Variants in SLC44A1 observed in about 807,000 individuals in gnomAD.
SLC44A1 encodes the protein solute carrier family 44 member 1.
SLC44A1 carries 26 observed loss-of-function variants against 79.3 expected under a neutral mutation model. The ratio of observed to expected loss-of-function variants is 0.33; its 90% confidence interval spans 0.24 to 0.46. The LOEUF (loss-of-function observed/expected upper bound fraction) is 0.46. Among genes scored for constraint, SLC44A1 ranks in the 20% least tolerant of loss-of-function variants. SLC44A1 has a pLI of 1.00. For missense variants in SLC44A1, 688 were observed against 798.1 expected, an observed-to-expected ratio of 0.86 and a Z score of 1.66; for synonymous variants, 263 against 286.2, an observed-to-expected ratio of 0.92 and a Z score of 0.82.
chr9:105,419,914 CAA>C (rs59244219), intron 15 of SLC44A1, among the ~76,000 whole-genome samples: 28 of 53,438 alleles, frequency 5.2e-4, no homozygotes, highest in South Asian at 1.4e-3. Flanking sequence ...AACTCTGTCT[CAA>C]AAAAAAAAAA....
chr9:105,397,421 G>A (rs945260815), downstream of SLC44A1: 12 of 933,966 alleles, frequency 1.3e-5, no homozygotes, highest in Middle Eastern at 5.6e-4. Flanking sequence ...CAACATCTTC[G>A]TTTCAAATTA....
chr9:105,366,551 T>A, intron 12 of SLC44A1, 122 bp downstream of exon 12: 1 of 439,320 alleles, frequency 2.3e-6, no homozygotes, highest in Non-Finnish European at 4.0e-6. Context: ...CATTGTGCCT[T>A]GATAAAGTAT....
chr9:105,433,034 C>T (rs35280067), intron 15 of SLC44A1, among the ~76,000 whole-genome samples: 596 of 152,266 alleles, frequency 3.9e-3, no homozygotes, highest in Admixed American at 6.8e-3. Flanking sequence ...GTGGCTTACT[C>T]CTGTAATCCT....
At position 105,390,370 on chromosome 9, in the gene SLC44A1, G is replaced by A; in HGVS notation, c.*1314G>A. ...TTTAAAAAAAGCTATTTTTGTTAAT[G>A]TAAAGTAAATATTTCAGAGCAAATT... On this transcript the variant is annotated 3_prime_UTR_variant, in exon 16 of 16. Coordinates refer to ENST00000374720, the MANE Select transcript of SLC44A1 (RefSeq NM_080546.5). The A allele has an allele frequency of 1.1e-6, 1 of 949,514 alleles. No individual in the cohort carries two copies. Among genetic ancestry groups the A allele is most frequent in the Non-Finnish European group, 1.2e-6 (1 of 816,680 alleles). 58.8% of individuals were successfully genotyped at this position (949,514 alleles called of 1,614,324 possible).
intron 3 of SLC44A1, among the ~76,000 whole-genome samples, chr9:105,318,748 G>A (rs918675366): frequency 3.5e-5 from 5 of 142,330 alleles, no homozygotes; most frequent in African/African-American, 9.3e-5. Context: ...TAGAAAATGC[G>A]GGAGTTCAAA....
chr9:105,411,478 G>T (rs1335052551), intron 15 of SLC44A1, among the ~76,000 whole-genome samples: 13 of 147,018 alleles, frequency 8.8e-5, no homozygotes, highest in African/African-American at 3.5e-4. Context: ...GTGTGTGTGT[G>T]TGTGCGTGTG....
rs985297942 is a variant in SLC44A1 at position 105,396,320 on chromosome 9, G to A, written c.*7264G>A. ...TGGTTATTAACTGATTTTATTACAG[G>A]AGAAAAAAACTTTAACAAAAAGGCA... On this transcript the variant is annotated 3_prime_UTR_variant, in exon 16 of 16. Transcript: ENST00000374720. The A allele has an allele frequency of 7.2e-5, 71 of 985,190 alleles. No homozygotes were observed. The highest frequency in any genetic ancestry group is 8.4e-5 in the Non-Finnish European group (70 of 829,776). The allele number at this position is 985,190 out of a possible 1,614,324, so 61.0% of individuals were successfully genotyped here. A position where few individuals can be genotyped will look rare whatever the true frequency, so the allele number is the denominator to read the frequency against.
rs74502402 is a variant in SLC44A1, at chr9:105,247,787, C to T, written c.36+2883C>T. Among the ~76,000 whole-genome samples the T allele has an allele frequency of 5.7e-3, 867 of 152,290 alleles. 11 individuals are homozygous for T. Among genetic ancestry groups the T allele is most frequent in the African/African-American group, 0.02 (823 of 41,556 alleles). ...GGGAATATGTAGACATATATTTGAA[C>T]CTCTGGCTGGCAAGTGGCATCGAAT... On this transcript the variant is annotated intron_variant, in intron 1 of 15. Coordinates refer to ENST00000374720, the MANE Select transcript of SLC44A1 (RefSeq NM_080546.5).
intron 5 of SLC44A1, among the ~76,000 whole-genome samples, chr9:105,351,546 A>AAGAAAGAAAGAG (rs1235500747): frequency 2.4e-5 from 3 of 127,000 alleles, no homozygotes; most frequent in Non-Finnish European, 3.2e-5. Context: ...GAAAGAAAGA[A>AAGAAAGAAAGAG]AGAAAGAAAG....
chr9:105,351,597 A>G (rs1827426660), intron 5 of SLC44A1, among the ~76,000 whole-genome samples: 2 of 111,288 alleles, frequency 1.8e-5, no homozygotes, highest in Non-Finnish European at 3.5e-5. Context: ...AGAGAGAAAG[A>G]GAAAGAAAGA....
At chr9:105,433,929 C>G (rs12349068) in intron 15 of SLC44A1, among the ~76,000 whole-genome samples, 6,252 of 152,166 alleles carry the variant, frequency 0.041, 412 homozygotes, top group African/African-American at 0.14. Flanking sequence ...GAAAGACAGA[C>G]ATCAAAACAA....
At position 105,361,088 on chromosome 9, in the gene SLC44A1, A is replaced by T. The variant is rs1460084856; in HGVS notation, c.761-103A>T. On this transcript the variant is annotated intron_variant, in intron 7 of 15. Transcript: ENST00000374720. The stretch of plus-strand genomic sequence containing the variant: ...CAGCCAAATGGATTGTCACTGCATT[A>T]GTCCCATGATGATCTGTAGGAAGGG... The T allele has an allele frequency of 3.6e-6, 4 of 1,116,882 alleles. No individual in the cohort carries two copies. The African/African-American group carries it at 6.2e-5, about 17-fold the overall frequency. 69.2% of individuals were successfully genotyped at this position (1,116,882 alleles called of 1,614,324 possible).
chr9:105,298,338 G>T (rs57529111), intron 1 of SLC44A1, among the ~76,000 whole-genome samples: 7,476 of 147,750 alleles, frequency 0.051, 624 homozygotes, highest in African/African-American at 0.19. Flanking sequence ...TCCCGTTTTT[G>T]TTGTTGTTGT....
intron 2 of SLC44A1, among the ~76,000 whole-genome samples, chr9:105,302,571 C>T (rs749126151): frequency 4.0e-5 from 6 of 151,412 alleles, no homozygotes; most frequent in Admixed American, 1.3e-4. Flanking sequence ...CAGGTGGTCT[C>T]GAACTCCTGA....
At chr9:105,313,276 A>G (rs145653866) in intron 3 of SLC44A1, among the ~76,000 whole-genome samples, 1 of 152,260 alleles carries the variant, frequency 6.6e-6, no homozygotes, top group East Asian at 1.9e-4. Flanking sequence ...TTTGCACTCT[A>G]ATTATATTGT....
At chr9:105,360,983 T>C (rs1827760847) in intron 7 of SLC44A1, among the ~76,000 whole-genome samples, 1 of 152,222 alleles carries the variant, frequency 6.6e-6, no homozygotes, top group Middle Eastern at 3.2e-3. Flanking sequence ...GAAGGATTTA[T>C]AAATGCTTAA....
rs1554689220 is a variant in SLC44A1, at chr9:105,389,132, G to GGT, written c.*83_*84dup. On this transcript the variant is annotated 3_prime_UTR_variant, in exon 16 of 16. Transcript: ENST00000374720. ...ACATAACTATGTATTTGTGTGTGTG[G>GGT]GTGTGTGTATATATGTATATGTATG... 2 of 1,570,676 alleles carry GGT rather than the reference G, an allele frequency of 1.3e-6. No homozygotes were observed. The highest frequency in any genetic ancestry group is 8.7e-7 in the Non-Finnish European group (1 of 1,146,608).
chr9:105,428,962 C>T (rs1829357623), intron 15 of SLC44A1, among the ~76,000 whole-genome samples: 2 of 152,228 alleles, frequency 1.3e-5, no homozygotes, highest in South Asian at 4.1e-4. Context: ...CCTTAGCCTC[C>T]CAGAGTGCTG....
intron 4 of SLC44A1, among the ~76,000 whole-genome samples, chr9:105,338,268 C>G (rs1455774932): frequency 6.6e-6 from 1 of 152,088 alleles, no homozygotes; most frequent in African/African-American, 2.4e-5. Context: ...CTCAAAAGAA[C>G]CTATCCTGCT....
Sources: gnomAD v4.1 joint callset for allele counts (sites outside exome capture counted in the v4.1 genomes callset) on GRCh38, gnomAD v4.1.1 for gene constraint, MANE v1.5 for transcripts, NCBI Gene and HGNC (gene_info 2026-07-23, HGNC 2026-07-21) for gene names.